The following DNASE1 variants were observed in gnomAD, a reference collection of about 807,000 sequenced individuals.
The protein encoded by DNASE1 is deoxyribonuclease-1.
Under a neutral mutation model 33.9 loss-of-function variants are expected in DNASE1, and 40 were observed. That is an observed-to-expected ratio of 1.18 (90% CI 0.92 to 1.54). DNASE1 has a LOEUF of 1.54. Ranked by LOEUF, DNASE1 falls within the 40% of genes most tolerant of loss-of-function variation. The pLI is 0.00. For synonymous variants in DNASE1, 216 were observed against 160.0 expected (o/e 1.35, Z -2.64); for missense variants, 518 against 372.6 (o/e 1.39, Z -3.21).
intron 1 of DNASE1, among the ~76,000 whole-genome samples, chr16:3,631,603 C>T (rs1157007991): frequency 1.3e-5 from 2 of 152,192 alleles, no homozygotes; most frequent in South Asian, 4.1e-4. Context: ...CAGGTCACTG[C>T]AACCTCTACC....
rs781459064 is a variant in DNASE1, at chr16:3,656,117, C to T, written c.252C>T (p.Thr84=). Residue 84 remains threonine, a synonymous_variant, in exon 4 of 9, where the codon ACC becomes ACT. Coordinates refer to ENST00000246949, the MANE Select transcript of DNASE1 (RefSeq NM_005223.4). ...LDNLNQDAPD[T]YHYVVSEPLG... ...TTCAATCCAGGGATGCACCAGACAC[C>T]TATCACTACGTGGTCAGTGAGCCAC... is the stretch of plus-strand genomic sequence containing the variant. 3.1e-6 allele frequency: 5 copies of T among 1,614,000 alleles called. No individual in the cohort carries two copies. In the East Asian group the frequency reaches 1.1e-4, roughly 36 times the overall value.
intron 1 of DNASE1, among the ~76,000 whole-genome samples, chr16:3,629,993 T>C (rs2041644411): frequency 6.6e-6 from 1 of 151,982 alleles, no homozygotes; most frequent in Non-Finnish European, 1.5e-5. Flanking sequence ...TTTGTATTTT[T>C]ATTTTAGTGG....
chr16:3,657,339 C>G lies in DNASE1; in HGVS notation c.702C>G (p.Asp234Glu). ...CTACACCCACGCACTGTGCCTATGA[C>G]AGGTGAGCAGGGCCTCGCGCTTAGG... ...TTATPTHCAYDRIVVAGMLLR... is the reference protein window; with the variant it reads ...TTATPTHCAYERIVVAGMLLR... Residue 234 changes from aspartate (D) to glutamate (E), a missense_variant and splice_region_variant, in exon 7 of 9, where the codon GAC becomes GAG. Transcript: ENST00000246949. 1 of 1,612,936 alleles carries G rather than the reference C, an allele frequency of 6.2e-7. No individual in the cohort carries two copies. Among genetic ancestry groups the G allele is most frequent in the African/African-American group, 1.3e-5 (1 of 75,054 alleles).
In DNASE1 at chr16:3,657,358, G is replaced by A. The variant is rs8176926; in HGVS notation, c.704+17G>A. Reference sequence around the variant, plus strand: ...CTATGACAGGTGAGCAGGGCCTCGCGCTTAGGGCAGACTGAGGGCACCTCC... The same window carrying A: ...CTATGACAGGTGAGCAGGGCCTCGCACTTAGGGCAGACTGAGGGCACCTCC... On this transcript the variant is annotated intron_variant, in intron 7 of 8. Transcript: ENST00000246949. 2.0e-4 allele frequency: 328 copies of A among 1,610,550 alleles called. 2 individuals carry two copies. In the African/African-American group the frequency reaches 3.7e-3, roughly 18 times the overall value.
At chr16:3,614,323 G>A (rs559562953) in intron 1 of DNASE1, among the ~76,000 whole-genome samples, 13 of 152,252 alleles carry the variant, frequency 8.5e-5, no homozygotes, top group African/African-American at 2.9e-4. Flanking sequence ...AAAGGGCTGG[G>A]ATTACTGGTG....
At chr16:3,641,004 T>C, upstream of DNASE1, 1 of 398,604 alleles carries the variant, frequency 2.5e-6, no homozygotes, top group Admixed American at 4.4e-5. Context: ...GCCACTCGGA[T>C]GTGGTCACTC....
chr16:3,617,424 A>G (rs1271931878), intron 1 of DNASE1, among the ~76,000 whole-genome samples: 1 of 152,098 alleles, frequency 6.6e-6, no homozygotes, highest in East Asian at 1.9e-4. Context: ...CTAAAAGCAG[A>G]AACAACAAAA....
exon 10 of DNASE1, chr16:3,664,587 C>T (rs1020540825): frequency 1.0e-5 from 10 of 979,862 alleles, no homozygotes; most frequent in African/African-American, 6.7e-5. Context: ...ACCCGAGGGA[C>T]GGTAGTGGAC....
chr16:3,663,912 A>C, exon 10 of DNASE1: 1 of 344,454 alleles, frequency 2.9e-6, no homozygotes, highest in African/African-American at 2.1e-5. Flanking sequence ...AAAATACAAA[A>C]ATTTGCTGGG....
intron 1 of DNASE1, among the ~76,000 whole-genome samples, chr16:3,617,132 G>C (rs1030051371): frequency 6.6e-6 from 1 of 151,804 alleles, no homozygotes; most frequent in African/African-American, 2.4e-5. Context: ...TTTGAGACCA[G>C]CCTGACCAAC....
downstream of DNASE1, chr16:3,658,968 CTG>C (rs1382120219): frequency 2.5e-6 from 3 of 1,179,738 alleles, no homozygotes; most frequent in African/African-American, 4.6e-5. Context: ...CACAGTAAGA[CTG>C]TCTGTAGTTT....
At chr16:3,655,280 C>G in intron 1 of DNASE1, 93 bp from the exon 2 acceptor site, 8 of 1,566,022 alleles carry the variant, frequency 5.1e-6, no homozygotes, top group African/African-American at 1.3e-5. Flanking sequence ...TGAGCTCCAC[C>G]AGCCCCTGCC....
downstream of DNASE1, chr16:3,659,559 T>C (rs2042943821): frequency 6.6e-6 from 1 of 152,200 alleles, no homozygotes; most frequent in Non-Finnish European, 1.5e-5. Flanking sequence ...AAGCATCATG[T>C]AGTATTTAAC....
At chr16:3,641,243 T>A, upstream of DNASE1, 1 of 305,114 alleles carries the variant, frequency 3.3e-6, no homozygotes. Flanking sequence ...GCAAGGTGAG[T>A]GGACGCATTT....
exon 10 of DNASE1, chr16:3,663,305 C>T (rs542582551): frequency 2.2e-5 from 30 of 1,365,898 alleles, no homozygotes; most frequent in Non-Finnish European, 2.8e-5. Flanking sequence ...AGGCTCTTCT[C>T]GGGGGTGGCT....
At chr16:3,637,163 C>T (rs1449677644) in intron 1 of DNASE1, among the ~76,000 whole-genome samples, 2 of 151,962 alleles carry the variant, frequency 1.3e-5, no homozygotes, top group Non-Finnish European at 2.9e-5. Flanking sequence ...TGAGGAAAAT[C>T]AGCCTTTGGT....
intron 1 of DNASE1, among the ~76,000 whole-genome samples, chr16:3,622,279 A>C (rs2041349077): frequency 6.7e-6 from 1 of 149,686 alleles, no homozygotes; most frequent in African/African-American, 2.4e-5. Context: ...ATGTCTTTTT[A>C]CTCATATCCA....
At chr16:3,650,032 G>A (rs1389679840), upstream of DNASE1, among the ~76,000 whole-genome samples, 3 of 152,182 alleles carry the variant, frequency 2.0e-5, no homozygotes, top group Non-Finnish European at 2.9e-5. Context: ...ACTTGCTCCC[G>A]CTAAGTGGCG....
chr16:3,661,987 C>A, downstream of DNASE1: 1 of 1,604,032 alleles, frequency 6.2e-7, no homozygotes. Flanking sequence ...GTGGCCTCAC[C>A]TGGGGTTGAT....
Sources: allele counts gnomAD v4.1 joint callset (sites outside exome capture counted in the v4.1 genomes callset), GRCh38; gene constraint gnomAD v4.1.1; transcripts MANE v1.5; gene names NCBI Gene and HGNC (gene_info 2026-07-23, HGNC 2026-07-21).